The following RBFOX1 variants were observed in gnomAD, a reference collection of about 807,000 sequenced individuals.
RBFOX1 encodes the protein RNA binding fox-1 homolog 1, also known as RNA binding protein fox-1 homolog 1.
Under a neutral mutation model 57.7 loss-of-function variants are expected in RBFOX1, and 8 were observed. The ratio of observed to expected loss-of-function variants is 0.14; its 90% CI spans 0.08 to 0.25. The LOEUF (loss-of-function observed/expected upper bound fraction) is 0.25, where lower values mean the gene tolerates loss of function less well. Among genes scored for constraint, RBFOX1 ranks in the 10% least tolerant of loss-of-function variants. The pLI is 1.00. For synonymous variants in RBFOX1, 326 were observed against 222.4 expected, an observed-to-expected ratio of 1.47 and a Z score of -4.15; for missense variants, 611 against 548.5, an observed-to-expected ratio of 1.11 and a Z score of -1.14.
At chr16:7,651,765 C>G (rs2065112974) in intron 11 of RBFOX1, among the ~76,000 whole-genome samples, 1 of 152,220 alleles carries the variant, frequency 6.6e-6, no homozygotes, top group African/African-American at 2.4e-5. Flanking sequence ...TAACTAAGAG[C>G]ATTTCCTTCA....
At chr16:5,262,404 A>G (rs1316246042) in intron 1 of RBFOX1, among the ~76,000 whole-genome samples, 4 of 152,220 alleles carry the variant, frequency 2.6e-5, no homozygotes, top group African/African-American at 7.2e-5. Context: ...GAAGACCTGA[A>G]CAAAACAAAA....
chr16:5,984,978 T>TA (rs1567221832), intron 4 of RBFOX1, among the ~76,000 whole-genome samples: 131 of 51,470 alleles, frequency 2.5e-3, no homozygotes, highest in Non-Finnish European at 3.3e-3. Flanking sequence ...ATATATATAT[T>TA]TTTTTTTTTT....
At chr16:5,894,910 C>G (rs544061973) in intron 4 of RBFOX1, among the ~76,000 whole-genome samples, 1 of 152,098 alleles carries the variant, frequency 6.6e-6, no homozygotes, top group Non-Finnish European at 1.5e-5. Context: ...TAGTCCCCTT[C>G]TACTCTGGAG....
At chr16:7,229,226 C>A (rs1335698314) in intron 4 of RBFOX1, among the ~76,000 whole-genome samples, 1 of 152,174 alleles carries the variant, frequency 6.6e-6, no homozygotes, top group African/African-American at 2.4e-5. Context: ...CCCAGTGATG[C>A]ATTGCAATCT....
At chr16:7,250,589 C>G (rs1922600) in intron 4 of RBFOX1, among the ~76,000 whole-genome samples, 2,686 of 152,284 alleles carry the variant, frequency 0.018, 65 homozygotes, top group African/African-American at 0.061. Context: ...AGTATATACC[C>G]CAGGGACGGG....
intron 1 of RBFOX1, among the ~76,000 whole-genome samples, chr16:5,454,886 C>G (rs1414287169): frequency 1.1e-5 from 1 of 91,480 alleles, no homozygotes; most frequent in African/African-American, 4.1e-5. Context: ...TTCTTTCTTT[C>G]TTTCTTTCTT....
chr16:7,169,518 TCCC>T (rs2080255512), intron 4 of RBFOX1, among the ~76,000 whole-genome samples: 1 of 152,212 alleles, frequency 6.6e-6, no homozygotes, highest in Admixed American at 6.5e-5. Context: ...TGGCCTAATG[TCCC>T]CAGGAGGGTA....
intron 3 of RBFOX1, among the ~76,000 whole-genome samples, chr16:6,983,408 T>C (rs1259441013): frequency 2.0e-5 from 3 of 151,696 alleles, no homozygotes; most frequent in East Asian, 3.9e-4. Flanking sequence ...GAGAATGATA[T>C]AATTATCTAT....
intron 5 of RBFOX1, among the ~76,000 whole-genome samples, chr16:7,532,554 G>T (rs1016519151): frequency 2.6e-5 from 4 of 152,192 alleles, no homozygotes; most frequent in African/African-American, 9.7e-5. Context: ...CTTTCTCCTT[G>T]CCTAGTCTAG....
intron 3 of RBFOX1, among the ~76,000 whole-genome samples, chr16:5,616,778 T>C (rs2048039155): frequency 7.1e-6 from 1 of 140,724 alleles, no homozygotes; most frequent in Non-Finnish European, 1.5e-5. Context: ...CTCCCCTATT[T>C]TCCTCCTCTT....
intron 2 of RBFOX1, among the ~76,000 whole-genome samples, chr16:6,386,752 G>C (rs936283349): frequency 6.6e-6 from 1 of 152,150 alleles, no homozygotes; most frequent in African/African-American, 2.4e-5. Flanking sequence ...AATAGTTTAG[G>C]TAGGGGAATC....
chr16:6,965,736 A>T (rs1367200119), intron 3 of RBFOX1, among the ~76,000 whole-genome samples: 1 of 152,218 alleles, frequency 6.6e-6, no homozygotes, highest in Non-Finnish European at 1.5e-5. Flanking sequence ...TGGGAATGAT[A>T]ATAATCATGT....
intron 4 of RBFOX1, among the ~76,000 whole-genome samples, chr16:7,074,329 T>G (rs1422281701): frequency 6.6e-6 from 1 of 152,226 alleles, no homozygotes; most frequent in African/African-American, 2.4e-5. Context: ...CAAACTGAGA[T>G]TCTGTTAGGT....
chr16:7,422,164 G>A (rs1442728229), intron 4 of RBFOX1, among the ~76,000 whole-genome samples: 2 of 152,150 alleles, frequency 1.3e-5, no homozygotes, highest in African/African-American at 4.8e-5. Context: ...GTACGTGTGC[G>A]TGTGTGTGCG....
intron 2 of RBFOX1, among the ~76,000 whole-genome samples, chr16:6,368,592 C>T (rs1399383656): frequency 1.3e-5 from 2 of 152,226 alleles, no homozygotes; most frequent in Non-Finnish European, 2.9e-5. Flanking sequence ...AGCTTCCACT[C>T]ATGCCCTTAT....
intron 2 of RBFOX1, among the ~76,000 whole-genome samples, chr16:6,410,431 C>T (rs1346786593): frequency 6.6e-6 from 1 of 151,378 alleles, no homozygotes; most frequent in Non-Finnish European, 1.5e-5. Flanking sequence ...CCTGCCTCAG[C>T]CTCCCGAGTA....
At chr16:6,856,575 T>C (rs550104981) in intron 3 of RBFOX1, among the ~76,000 whole-genome samples, 53 of 152,292 alleles carry the variant, frequency 3.5e-4, no homozygotes, top group African/African-American at 1.2e-3. Context: ...CATCAGGTGA[T>C]ATTCTGTCCC....
At chr16:5,372,372 A>C (rs546530773) in intron 1 of RBFOX1, among the ~76,000 whole-genome samples, 5 of 152,214 alleles carry the variant, frequency 3.3e-5, no homozygotes, top group Non-Finnish European at 7.3e-5. Context: ...AGTGAGGTCT[A>C]TGTATTGGGT....
chr16:7,482,248 C>T (rs913954047), intron 4 of RBFOX1, among the ~76,000 whole-genome samples: 3 of 152,202 alleles, frequency 2.0e-5, no homozygotes, highest in Non-Finnish European at 4.4e-5. Flanking sequence ...AGAGCTCAAA[C>T]AGTGTCAGCT....
Sources: gnomAD v4.1 joint callset for allele counts (sites outside exome capture counted in the v4.1 genomes callset) on GRCh38, gnomAD v4.1.1 for gene constraint, MANE v1.5 for transcripts, NCBI Gene and HGNC (gene_info 2026-07-23, HGNC 2026-07-21) for gene names.